The following ZNF827 variants were observed in gnomAD, a reference collection of about 807,000 sequenced individuals.
ZNF827 encodes the protein zinc finger protein 827.
ZNF827 carries 13 observed loss-of-function variants against 102.4 expected under a neutral mutation model. The ratio of observed to expected loss-of-function variants is 0.13; its 90% CI spans 0.08 to 0.20. The LOEUF is 0.20. Ranked by LOEUF, ZNF827 falls within the 10% of genes least tolerant of loss-of-function variation. The probability of loss-of-function intolerance (pLI) is 1.00; values close to 1 mark genes in which losing one functional copy is unlikely to be tolerated. For synonymous variants in ZNF827, 523 were observed against 536.2 expected (o/e 0.98, Z 0.34); for missense variants, 1,103 against 1,344.4 (o/e 0.82, Z 2.81).
chr4:145,833,558 C>T (rs1437101134), intron 7 of ZNF827, among the ~76,000 whole-genome samples: 1 of 151,304 alleles, frequency 6.6e-6, no homozygotes, highest in Admixed American at 6.6e-5. Flanking sequence ...GGGGCAAGTA[C>T]CACTCAACCC....
At chr4:145,825,512 T>C (rs1743584812) in intron 7 of ZNF827, among the ~76,000 whole-genome samples, 1 of 152,194 alleles carries the variant, frequency 6.6e-6, no homozygotes, top group Non-Finnish European at 1.5e-5. Flanking sequence ...GTGATGCTGG[T>C]GGCCAATGTC....
At chr4:145,865,028 CTAAT>C (rs1489398389) in intron 5 of ZNF827, among the ~76,000 whole-genome samples, 1 of 152,164 alleles carries the variant, frequency 6.6e-6, no homozygotes, top group African/African-American at 2.4e-5. Flanking sequence ...AGCTAAATCT[CTAAT>C]TAACCTCAAA....
chr4:145,805,371 GA>G lies in ZNF827; in HGVS notation c.2383+18050del, dbSNP rs929426262. On this transcript the variant is annotated intron_variant, in intron 8 of 14. Coordinates refer to ENST00000508784, the MANE Select transcript of ZNF827 (RefSeq NM_001306215.2). ...TAGATAGTCATTTTTAACTGATTAG[GA>G]AAAAAAAATCCCCAAATTTCAACCA... is the stretch of plus-strand genomic sequence containing the variant. Among the ~76,000 whole-genome samples the G allele has an allele frequency of 1.0e-4, 15 of 150,572 alleles. No individual in the cohort carries two copies. The East Asian group carries it at 1.4e-3, about 14-fold the overall frequency.
At chr4:145,849,621 C>T in intron 5 of ZNF827, 60 bp from the exon 6 acceptor site, 3 of 1,600,608 alleles carry the variant, frequency 1.9e-6, no homozygotes, top group African/African-American at 1.3e-5. Flanking sequence ...CCAAGCTAGA[C>T]CCAGTTTCTA....
In ZNF827 at chr4:145,902,081, A is replaced by C; in HGVS notation, c.1093+85T>G. 2.0e-6 allele frequency: 3 copies of C among 1,482,716 alleles called. No individual in the cohort carries two copies. The highest frequency in any genetic ancestry group is 1.4e-5 in the South Asian group (1 of 70,868). 91.8% of individuals were successfully genotyped at this position (1,482,716 alleles called of 1,614,324 possible). ...ATTCCTGCCTCAGATCAGATGGGGA[A>C]CCCAACTGAAAAAAGCAATGAATAA... On this transcript the variant is annotated intron_variant, in intron 2 of 14. Coordinates refer to ENST00000508784, the MANE Select transcript of ZNF827 (RefSeq NM_001306215.2). The surrounding 1 kb of genome is among the most constrained non-coding windows in gnomAD (Gnocchi z 4.3).
chr4:145,811,967 T>G (rs1285234213), intron 8 of ZNF827, among the ~76,000 whole-genome samples: 1 of 151,650 alleles, frequency 6.6e-6, no homozygotes, highest in Non-Finnish European at 1.5e-5. Flanking sequence ...CAGGCTGGAG[T>G]GCAGTGGCAC....
chr4:145,911,537 A>G (rs1228767581), intron 1 of ZNF827, among the ~76,000 whole-genome samples: 7 of 152,246 alleles, frequency 4.6e-5, no homozygotes, highest in African/African-American at 1.7e-4. Flanking sequence ...GCAAAGGCGC[A>G]GAGGATAAAG....
At chr4:145,810,357 A>T (rs1230518830) in intron 8 of ZNF827, among the ~76,000 whole-genome samples, 2 of 152,070 alleles carry the variant, frequency 1.3e-5, no homozygotes, top group Non-Finnish European at 2.9e-5. Context: ...CCAAATTATT[A>T]TATGAGTAAA....
chr4:145,929,176 C>T (rs1452571271), intron 1 of ZNF827, among the ~76,000 whole-genome samples: 6 of 152,220 alleles, frequency 3.9e-5, no homozygotes, highest in Non-Finnish European at 8.8e-5. Flanking sequence ...CCCCATCCTT[C>T]ATTTAAGATT....
At chr4:145,805,915 G>A (rs1161428074) in intron 8 of ZNF827, among the ~76,000 whole-genome samples, 2 of 151,762 alleles carry the variant, frequency 1.3e-5, no homozygotes, top group Non-Finnish European at 2.9e-5. Flanking sequence ...CACCTTCTGG[G>A]GAGTCTTTTC....
At chr4:145,847,208 A>G (rs936406562) in intron 6 of ZNF827, among the ~76,000 whole-genome samples, 1 of 152,156 alleles carries the variant, frequency 6.6e-6, no homozygotes, top group Non-Finnish European at 1.5e-5. Context: ...AACAGTAACA[A>G]ATATCAAATA....
At position 145,883,061 on chromosome 4, in the gene ZNF827, TAA is replaced by T. The variant is rs35477097; in HGVS notation, c.1747+2615_1747+2616del. Among the ~76,000 whole-genome samples the T allele has an allele frequency of 8.0e-3, 1,162 of 144,950 alleles. 4 individuals are homozygous for T. Among genetic ancestry groups the T allele is most frequent in the East Asian group, 0.016 (82 of 5,034 alleles). ...AGACCAACCAGAGGGTAAGTAAAAT[TAA>T]AAAAAAAAAAAAAATCGCTCTAGAA... On this transcript the variant is annotated intron_variant, in intron 4 of 14. Coordinates refer to ENST00000508784, the MANE Select transcript of ZNF827 (RefSeq NM_001306215.2).
intron 7 of ZNF827, among the ~76,000 whole-genome samples, chr4:145,823,791 T>C (rs1463656969): frequency 2.0e-5 from 3 of 152,208 alleles, no homozygotes; most frequent in Admixed American, 6.5e-5. Flanking sequence ...GTTAAACCCG[T>C]AGAGGAGGAC....
chr4:145,932,369 T>C (rs943811737), intron 1 of ZNF827, among the ~76,000 whole-genome samples: 1 of 152,192 alleles, frequency 6.6e-6, no homozygotes, highest in Non-Finnish European at 1.5e-5. Context: ...GAACGCAAAC[T>C]ACTGGGATTA....
At chr4:145,768,358 T>C (rs1195883842) in intron 11 of ZNF827, among the ~76,000 whole-genome samples, 1 of 151,990 alleles carries the variant, frequency 6.6e-6, no homozygotes, top group Admixed American at 6.6e-5. Flanking sequence ...AGAGACAGGG[T>C]TTCACCATGT....
At chr4:145,771,231 G>T (rs568606017) in intron 11 of ZNF827, among the ~76,000 whole-genome samples, 1 of 152,178 alleles carries the variant, frequency 6.6e-6, no homozygotes, top group East Asian at 1.9e-4. Flanking sequence ...CTCTTTTTCT[G>T]TTATTTTGCA....
intron 7 of ZNF827, among the ~76,000 whole-genome samples, chr4:145,827,325 G>T (rs993429682): frequency 3.9e-5 from 6 of 152,212 alleles, no homozygotes; most frequent in African/African-American, 1.4e-4. Flanking sequence ...GTGATGGAGG[G>T]GAGTAGGGAC....
intron 5 of ZNF827, among the ~76,000 whole-genome samples, chr4:145,864,758 T>C (rs1338059451): frequency 6.6e-6 from 1 of 152,194 alleles, no homozygotes; most frequent in Non-Finnish European, 1.5e-5. Flanking sequence ...AAGTGAACTC[T>C]ACATTTAGCC....
At chr4:145,854,817 C>T (rs577831368) in intron 5 of ZNF827, among the ~76,000 whole-genome samples, 1 of 152,314 alleles carries the variant, frequency 6.6e-6, no homozygotes, top group South Asian at 2.1e-4. Flanking sequence ...CCTCGAGTGG[C>T]ACTCTCTCCC....
Sources: allele counts gnomAD v4.1 joint callset (sites outside exome capture counted in the v4.1 genomes callset), GRCh38; gene constraint gnomAD v4.1.1; non-coding constraint Gnocchi (gnomAD v3.1); transcripts MANE v1.5; gene names NCBI Gene and HGNC (gene_info 2026-07-23, HGNC 2026-07-21).